Variants in ASXL1 observed in about 807,000 individuals in gnomAD.
ASXL1 encodes the protein polycomb group protein ASXL1.
Under a neutral mutation model 89.1 loss-of-function variants are expected in ASXL1, and 65 were observed. The observed-to-expected ratio is 0.73, with a 90% CI of 0.60 to 0.90. The LOEUF (loss-of-function observed/expected upper bound fraction) is 0.90, where lower values mean the gene tolerates loss of function less well. Among genes scored for constraint, ASXL1 ranks in the 40% least tolerant of loss-of-function variants. The probability of loss-of-function intolerance (pLI) is 0.00; values close to 1 mark genes in which losing one functional copy is unlikely to be tolerated. For synonymous variants in ASXL1, 739 were observed against 746.9 expected (o/e 0.99, Z 0.17); for missense variants, 1,786 against 1,942.9 (o/e 0.92, Z 1.52).
At chr20:32,367,163 G>A (rs963193575) in intron 2 of ASXL1, among the ~76,000 whole-genome samples, 11 of 151,692 alleles carry the variant, frequency 7.3e-5, no homozygotes, top group Admixed American at 5.3e-4. Flanking sequence ...AGATCACTTA[G>A]GTCAGGAGTT....
intron 4 of ASXL1, among the ~76,000 whole-genome samples, chr20:32,397,495 G>A (rs1421494263): frequency 6.7e-6 from 1 of 148,992 alleles, no homozygotes; most frequent in Non-Finnish European, 1.5e-5. Flanking sequence ...TGCCTCCCGG[G>A]TTCAAGCAGT....
intron 4 of ASXL1, among the ~76,000 whole-genome samples, chr20:32,403,027 A>G (rs1351474755): frequency 1.3e-5 from 2 of 152,108 alleles, no homozygotes; most frequent in Admixed American, 1.3e-4. Flanking sequence ...TAAAAGTTGT[A>G]TGCTTTACAT....
Position 32,428,120 on chromosome 20 carries a change from T to C in ASXL1, c.253-8T>C, listed in dbSNP as rs760182288. On this transcript the variant is annotated splice_region_variant and splice_polypyrimidine_tract_variant and intron_variant, in intron 4 of 12. Coordinates refer to ENST00000375687, the MANE Select transcript of ASXL1 (RefSeq NM_015338.6). ...TTTGTTCACCTGAGTTGTACCTTGC[T>C]GTCACAGAAGGATGCCCTGCAGTGG... 1.2e-6 allele frequency: 2 copies of C among 1,613,062 alleles called. No individual in the cohort carries two copies. Among genetic ancestry groups the C allele is most frequent in the East Asian group, 4.5e-5 (2 of 44,880 alleles).
intron 4 of ASXL1, among the ~76,000 whole-genome samples, chr20:32,404,674 G>T (rs1226554191): frequency 6.6e-6 from 1 of 152,114 alleles, no homozygotes; most frequent in Non-Finnish European, 1.5e-5. Flanking sequence ...TGTTTGCTGT[G>T]TCGAATATGA....
In ASXL1 at chr20:32,438,452, C is replaced by T. The variant is rs775617667; in HGVS notation, c.*1114C>T. ...CAGAGCCACTGAGTGCTGTGCTGCTCGACGTGAGGGTGAAATGATTGACTT... is the reference window on the plus strand; with the variant it reads ...CAGAGCCACTGAGTGCTGTGCTGCTTGACGTGAGGGTGAAATGATTGACTT... On this transcript the variant is annotated 3_prime_UTR_variant, in exon 13 of 13. Transcript: ENST00000375687. 20 of 233,546 alleles carry T rather than the reference C, an allele frequency of 8.6e-5. No homozygotes were observed. Among genetic ancestry groups the T allele is most frequent in the Admixed American group, 2.2e-4 (4 of 17,798 alleles). 14.5% of individuals were successfully genotyped at this position (233,546 alleles called of 1,614,324 possible). A position where few individuals can be genotyped will look rare whatever the true frequency, so the allele number is the denominator to read the frequency against.
intron 4 of ASXL1, among the ~76,000 whole-genome samples, chr20:32,410,972 C>T (rs561324687): frequency 7.4e-6 from 1 of 135,138 alleles, no homozygotes; most frequent in East Asian, 2.2e-4. Flanking sequence ...ATGGAGGTTG[C>T]AGTGAGCTGA....
Position 32,369,168 on chromosome 20 carries a change from T to C in ASXL1, c.252+45T>C, listed in dbSNP as rs753134733. ...TTTTGGTGCAGTGATTCTTGGACTTTTAATGTGCATAAAAATCACCTGGTA... is the reference window on the plus strand; with the variant it reads ...TTTTGGTGCAGTGATTCTTGGACTTCTAATGTGCATAAAAATCACCTGGTA... On this transcript the variant is annotated intron_variant, in intron 4 of 12. Transcript: ENST00000375687. The C allele has an allele frequency of 2.3e-5, 36 of 1,533,582 alleles. No homozygotes were observed. In the East Asian group the frequency reaches 5.8e-4, roughly 25 times the overall value. 95.0% of individuals were successfully genotyped at this position (1,533,582 alleles called of 1,614,324 possible). A position where few individuals can be genotyped will look rare whatever the true frequency, so the allele number is the denominator to read the frequency against.
Position 32,438,748 on chromosome 20 carries a change from A to G in ASXL1, c.*1410A>G, listed in dbSNP as rs540741192. 4 of 233,658 alleles carry G rather than the reference A, an allele frequency of 1.7e-5. No individual in the cohort carries two copies. The highest frequency in any genetic ancestry group is 1.2e-4 in the East Asian group (2 of 16,582). The allele number at this position is 233,658 out of a possible 1,614,324, so 14.5% of individuals were successfully genotyped here. On this transcript the variant is annotated 3_prime_UTR_variant, in exon 13 of 13. Coordinates refer to ENST00000375687, the MANE Select transcript of ASXL1 (RefSeq NM_015338.6). ...TCCAGGGTCACCACCTGTCACAGCA[A>G]TACCTGGGACCATGCTCTCCTGGGA...
At chr20:32,375,684 G>GT (rs199575629) in intron 4 of ASXL1, among the ~76,000 whole-genome samples, 1,766 of 145,892 alleles carry the variant, frequency 0.012, 34 homozygotes, top group African/African-American at 0.03. Context: ...TTTTTGTTTT[G>GT]TTTTGTTTTG....
chr20:32,435,710 G>C lies in ASXL1; in HGVS notation c.2998G>C (p.Asp1000His), dbSNP rs771192600. The change falls in exon 13 of 13, where the codon GAT (aspartate) becomes CAT (histidine). Residue 1000 changes from aspartate to histidine, a missense_variant. Asp to His is a moderately conservative substitution (Grantham distance 81). Around this residue, in one of 3 missense-constraint regions of ASXL1, gnomAD observed 1,418 missense variants for 1,427.8 expected, o/e 0.99. Transcript: ENST00000375687. Reference protein sequence around the residue: ...EALSPHGESTDTASDFEGHLT... With the variant: ...EALSPHGESTHTASDFEGHLT... ...ACTGAGTCCTCACGGTGAGTCCACG[G>C]ATACAGCCTCTGACTTTGAAGGTCA... 1 of 1,614,216 alleles carries C rather than the reference G, an allele frequency of 6.2e-7. No individual in the cohort carries two copies. The highest frequency in any genetic ancestry group is 8.5e-7 in the Non-Finnish European group (1 of 1,180,046).
chr20:32,426,537 TTTTCTTTTTTTTC>T (rs1435125284), intron 4 of ASXL1, among the ~76,000 whole-genome samples: 3,236 of 112,128 alleles, frequency 0.029, 118 homozygotes, highest in East Asian at 0.048. Context: ...TAGAAAACTG[TTTTCTTTTTTTTC>T]TTTCTTTTTT....
chr20:32,397,106 G>A (rs1227262553), intron 4 of ASXL1, among the ~76,000 whole-genome samples: 45 of 145,146 alleles, frequency 3.1e-4, no homozygotes, highest in African/African-American at 1.1e-3. Context: ...GTGCAGTAGT[G>A]TGATCTCGGC....
intron 4 of ASXL1, among the ~76,000 whole-genome samples, chr20:32,408,936 A>AT (rs1172281087): frequency 2.0e-5 from 3 of 151,478 alleles, no homozygotes; most frequent in Admixed American, 6.6e-5. Context: ...ATGCCTTAAC[A>AT]TTTTTTTCTC....
rs1239364015 is a variant in ASXL1 at position 32,369,211 on chromosome 20, A to G, written c.252+88A>G. 7.3e-6 allele frequency: 9 copies of G among 1,237,978 alleles called. No individual in the cohort carries two copies. In the Admixed American group the frequency reaches 8.6e-5, roughly 12 times the overall value. 76.7% of individuals were successfully genotyped at this position (1,237,978 alleles called of 1,614,324 possible). ...ACCTGGTAGGTCTGGAATAGGGGCC[A>G]TGAATTTGCATTTCTCATATGCAGT... On this transcript the variant is annotated intron_variant, in intron 4 of 12. Coordinates refer to ENST00000375687, the MANE Select transcript of ASXL1 (RefSeq NM_015338.6).
chr20:32,433,931 T>G lies in ASXL1; in HGVS notation c.1719+14T>G, dbSNP rs2123272231. 6.2e-7 allele frequency: 1 copy of G among 1,611,910 alleles called. No individual in the cohort carries two copies. The highest frequency in any genetic ancestry group is 2.2e-5 in the East Asian group (1 of 44,886). On this transcript the variant is annotated intron_variant, in intron 12 of 12. Transcript: ENST00000375687. ...CCGCCCATCCGGGTAGGAGACTGTT[T>G]GATTCCTGGCTGCCCTGGAGCCAGG...
At chr20:32,370,413 CAAAAAA>C (rs74271758) in intron 4 of ASXL1, among the ~76,000 whole-genome samples, 1 of 134,988 alleles carries the variant, frequency 7.4e-6, no homozygotes, top group Admixed American at 7.5e-5. Context: ...GGCTGTGTTC[CAAAAAA>C]AAAAAAAATT....
chr20:32,373,301 C>T (rs566913450), intron 4 of ASXL1, among the ~76,000 whole-genome samples: 4 of 152,044 alleles, frequency 2.6e-5, no homozygotes, highest in Non-Finnish European at 4.4e-5. Context: ...CACTTTAACC[C>T]GGGAGATGGA....
chr20:32,366,313 C>T, intron 1 of ASXL1, 71 bp from the exon 2 acceptor site: 2 of 1,330,974 alleles, frequency 1.5e-6, no homozygotes, highest in Non-Finnish European at 2.2e-6. Context: ...ATAACTTTAG[C>T]CCATGATATA....
chr20:32,421,067 G>T (rs1489360078), intron 4 of ASXL1, among the ~76,000 whole-genome samples: 1 of 151,276 alleles, frequency 6.6e-6, no homozygotes, highest in African/African-American at 2.4e-5. Context: ...GGGGCCTGTT[G>T]GGGGGTGGGG....
Sources: allele counts gnomAD v4.1 joint callset (sites outside exome capture counted in the v4.1 genomes callset), GRCh38; gene constraint gnomAD v4.1.1; regional missense constraint gnomAD v4.1.1; transcripts MANE v1.5; gene names NCBI Gene and HGNC (gene_info 2026-07-23, HGNC 2026-07-21).